Variants in UGT8 observed in about 807,000 individuals in gnomAD.
The protein encoded by UGT8 is UDP glycosyltransferase 8, also known as 2-hydroxyacylsphingosine 1-beta-galactosyltransferase.
In UGT8, 12 loss-of-function variants were observed where a neutral mutation model predicts 40.5. That is an observed-to-expected ratio of 0.30 (90% CI 0.19 to 0.48). The LOEUF is 0.48. Among genes scored for constraint, UGT8 ranks in the 20% least tolerant of loss-of-function variants. The pLI is 0.99. For synonymous variants in UGT8, 224 were observed against 240.4 expected (o/e 0.93, Z 0.63); for missense variants, 513 against 648.7 (o/e 0.79, Z 2.27).
intron 2 of UGT8, among the ~76,000 whole-genome samples, chr4:114,648,175 C>T (rs752851909): frequency 7.2e-5 from 11 of 152,178 alleles, no homozygotes; most frequent in Non-Finnish European, 1.6e-4. Context: ...GCCATTCCAA[C>T]ATATTTCAGC....
chr4:114,668,708 T>G (rs1297417463), intron 5 of UGT8, among the ~76,000 whole-genome samples: 1 of 152,224 alleles, frequency 6.6e-6, no homozygotes, highest in African/African-American at 2.4e-5. Flanking sequence ...ACACAGCAAT[T>G]GTAGTTGAAA....
chr4:114,629,730 A>G (rs901238435), intron 2 of UGT8, among the ~76,000 whole-genome samples: 10 of 152,180 alleles, frequency 6.6e-5, no homozygotes, highest in African/African-American at 2.4e-4. Flanking sequence ...ATAGCTTGTC[A>G]TCTGCTTCTG....
rs1731940467 is a variant in UGT8 at position 114,623,121 on chromosome 4, A to G, written c.241A>G (p.Thr81Ala). ...CTACCCAGGGATCTTTAACAGTACC[A>G]CCTCAGATGCTTTCCTACAGTCCAA... Reference protein sequence around the residue: ...QRYPGIFNSTTSDAFLQSKMR... With the variant: ...QRYPGIFNSTASDAFLQSKMR... Residue 81 changes from threonine (T) to alanine (A), a missense_variant, in exon 2 of 6, where the codon ACC becomes GCC. By Grantham distance (58) the Thr-to-Ala change is moderately conservative (BLOSUM62 0). This residue lies in a region of UGT8 where 335 missense variants were observed against 444.8 expected (regional missense o/e 0.75). Coordinates refer to ENST00000310836, the MANE Select transcript of UGT8 (RefSeq NM_001128174.3). The G allele has an allele frequency of 6.2e-7, 1 of 1,613,974 alleles. No homozygotes were observed. Among genetic ancestry groups the G allele is most frequent in the Admixed American group, 1.7e-5 (1 of 60,000 alleles).
At chr4:114,621,279 A>G (rs1361591024) in intron 1 of UGT8, among the ~76,000 whole-genome samples, 1 of 152,138 alleles carries the variant, frequency 6.6e-6, no homozygotes, top group African/African-American at 2.4e-5. Flanking sequence ...TCCTTTTTCA[A>G]TAAGTATTTA....
At chr4:114,675,076 T>A (rs1377291286) in intron 5 of UGT8, among the ~76,000 whole-genome samples, 2 of 152,194 alleles carry the variant, frequency 1.3e-5, no homozygotes, top group East Asian at 3.9e-4. Context: ...TAACATCAAA[T>A]CTGACTTCAT....
chr4:114,641,727 A>G (rs1733235966), intron 2 of UGT8, among the ~76,000 whole-genome samples: 1 of 152,180 alleles, frequency 6.6e-6, no homozygotes, highest in African/African-American at 2.4e-5. Flanking sequence ...GAGAGAGGAG[A>G]ATGGAACAGA....
At chr4:114,616,313 C>A (rs1731429232) in intron 1 of UGT8, among the ~76,000 whole-genome samples, 1 of 152,198 alleles carries the variant, frequency 6.6e-6, no homozygotes, top group Non-Finnish European at 1.5e-5. Context: ...GCGCCCCTCC[C>A]CTAGCCTCAT....
chr4:114,635,232 T>C (rs955859443), intron 2 of UGT8, among the ~76,000 whole-genome samples: 9 of 152,012 alleles, frequency 5.9e-5, no homozygotes, highest in Non-Finnish European at 1.2e-4. Context: ...GCACTTGTAA[T>C]ACCAGCTACT....
intron 1 of UGT8, among the ~76,000 whole-genome samples, chr4:114,615,914 G>A (rs1193299166): frequency 4.7e-5 from 7 of 148,184 alleles, no homozygotes; most frequent in Non-Finnish European, 7.4e-5. Flanking sequence ...GCAGAACAGC[G>A]GATATTGGTG....
At chr4:114,599,331 G>A (rs1410380537) in intron 1 of UGT8, among the ~76,000 whole-genome samples, 1 of 152,148 alleles carries the variant, frequency 6.6e-6, no homozygotes, top group Non-Finnish European at 1.5e-5. Flanking sequence ...CGATTCGGCC[G>A]AGGACCTTGT....
chr4:114,626,338 A>C (rs1427192415), intron 2 of UGT8, among the ~76,000 whole-genome samples: 1 of 152,228 alleles, frequency 6.6e-6, no homozygotes, highest in Admixed American at 6.5e-5. Flanking sequence ...AGGCCCAGAA[A>C]GTAGCTGCGT....
At chr4:114,635,835 G>A (rs1732854959) in intron 2 of UGT8, among the ~76,000 whole-genome samples, 3 of 152,106 alleles carry the variant, frequency 2.0e-5, no homozygotes, top group Admixed American at 2.0e-4. Context: ...TTCCTGTTAT[G>A]AAGACAGAAA....
chr4:114,665,588 C>A (rs750161482), intron 3 of UGT8, 92 bp from the exon 4 acceptor site: 4 of 1,255,070 alleles, frequency 3.2e-6, no homozygotes, highest in Non-Finnish European at 4.2e-6. Flanking sequence ...GATCATCAAA[C>A]ATTTATTTTA....
At chr4:114,640,313 A>G (rs894107220) in intron 2 of UGT8, among the ~76,000 whole-genome samples, 19 of 152,122 alleles carry the variant, frequency 1.2e-4, no homozygotes, top group African/African-American at 4.6e-4. Context: ...TACAGGCGTG[A>G]GCCACCGCGC....
chr4:114,601,834 T>TTG lies in UGT8; in HGVS notation c.-3+2861_-3+2862insGT, dbSNP rs201225590. ...AGTACCATTCTTCTTTTTATGTTTT[T>TTG]TTTTTTTTTCTGGGTCCTCTTTCTG... On this transcript the variant is annotated intron_variant, in intron 1 of 5. Transcript: ENST00000310836. Among the ~76,000 whole-genome samples the TTG allele has an allele frequency of 5.8e-3, 884 of 152,096 alleles. 7 individuals are homozygous for TTG. Among genetic ancestry groups the TTG allele is most frequent in the Middle Eastern group, 0.017 (5 of 294 alleles).
At chr4:114,656,583 A>C (rs953156021) in intron 2 of UGT8, among the ~76,000 whole-genome samples, 18 of 152,172 alleles carry the variant, frequency 1.2e-4, no homozygotes, top group Non-Finnish European at 2.4e-4. Flanking sequence ...TGCATCTTAC[A>C]CCTAGGAGAA....
At chr4:114,667,783 T>A in intron 4 of UGT8, 1 of 627,572 alleles carries the variant, frequency 1.6e-6, no homozygotes, top group Non-Finnish European at 2.0e-6. Flanking sequence ...TTTCATTGGC[T>A]TCATAATAAT....
chr4:114,659,445 C>T (rs1734385045), intron 2 of UGT8, among the ~76,000 whole-genome samples: 1 of 152,110 alleles, frequency 6.6e-6, no homozygotes, highest in African/African-American at 2.4e-5. Flanking sequence ...TTGCTGATTT[C>T]TGGTTCAGTA....
chr4:114,637,520 A>AAC (rs1465005056), intron 2 of UGT8, among the ~76,000 whole-genome samples: 7 of 152,162 alleles, frequency 4.6e-5, no homozygotes, highest in African/African-American at 1.7e-4. Context: ...AAAGATCTAG[A>AAC]GTTTTGGTGT....
Sources: allele counts gnomAD v4.1 joint callset (sites outside exome capture counted in the v4.1 genomes callset), GRCh38; gene constraint gnomAD v4.1.1; regional missense constraint gnomAD v4.1.1; transcripts MANE v1.5; gene names NCBI Gene and HGNC (gene_info 2026-07-23, HGNC 2026-07-21).